MYO18B: variants seen among roughly 807,000 people sequenced by gnomAD.
The protein encoded by MYO18B is myosin XVIIIB.
MYO18B carries 204 observed loss-of-function variants against 273.0 expected under a neutral mutation model. That is an observed-to-expected ratio of 0.75 (90% CI 0.67 to 0.84). The LOEUF (loss-of-function observed/expected upper bound fraction) is 0.84. Ranked by LOEUF, MYO18B falls within the 40% of genes least tolerant of loss-of-function variation. The probability of loss-of-function intolerance (pLI) is 0.00; values close to 1 mark genes in which losing one functional copy is unlikely to be tolerated. For missense variants in MYO18B, 3,212 were observed against 3,287.6 expected, an observed-to-expected ratio of 0.98 and a Z score of 0.56; for synonymous variants, 1,330 against 1,305.7, an observed-to-expected ratio of 1.02 and a Z score of -0.40.
chr22:25,939,439 CT>C (rs2092618470), intron 34 of MYO18B, among the ~76,000 whole-genome samples: 1 of 152,234 alleles, frequency 6.6e-6, no homozygotes, highest in Non-Finnish European at 1.5e-5. Flanking sequence ...CTTGCCCAGA[CT>C]TTCCAAGCTT....
At chr22:26,006,041 G>A (rs974890695) in intron 42 of MYO18B, among the ~76,000 whole-genome samples, 2 of 152,302 alleles carry the variant, frequency 1.3e-5, no homozygotes, top group Non-Finnish European at 2.9e-5. Context: ...TCCAAACTAT[G>A]AGGACTTTAT....
At chr22:25,944,757 G>A (rs553981868) in intron 34 of MYO18B, among the ~76,000 whole-genome samples, 6 of 151,022 alleles carry the variant, frequency 4.0e-5, no homozygotes, top group African/African-American at 1.5e-4. Context: ...TGAGGCAGGA[G>A]AATCGCTGGA....
intron 40 of MYO18B, among the ~76,000 whole-genome samples, chr22:25,996,805 A>G (rs1344809854): frequency 6.6e-6 from 1 of 152,144 alleles, no homozygotes; most frequent in Non-Finnish European, 1.5e-5. Context: ...CGTTCTAGGA[A>G]GTGAAAGAAA....
At chr22:26,054,201 C>A in the MYO18B span, among the ~76,000 whole-genome samples, 1 of 152,182 alleles carries the variant, frequency 6.6e-6, no homozygotes, top group Non-Finnish European at 1.5e-5. Context: ...AATCCTGCAG[C>A]CCCAGGACAG....
intron 12 of MYO18B, among the ~76,000 whole-genome samples, chr22:25,808,598 T>C (rs1260696809): frequency 6.6e-6 from 1 of 152,096 alleles, no homozygotes; most frequent in Non-Finnish European, 1.5e-5. Flanking sequence ...CTCAGCTCCA[T>C]CTAATCTCCA....
At chr22:25,964,867 G>T (rs2092960076) in intron 39 of MYO18B, 1 of 152,268 alleles carries the variant, frequency 6.6e-6, no homozygotes, top group African/African-American at 2.4e-5. Flanking sequence ...CGTCAGGAAA[G>T]GAGAAAGTCA....
At chr22:25,990,322 C>T (rs1258276042) in intron 39 of MYO18B, among the ~76,000 whole-genome samples, 1 of 152,096 alleles carries the variant, frequency 6.6e-6, no homozygotes, top group Non-Finnish European at 1.5e-5. Context: ...GTTCAGATCC[C>T]AGCTCTGCGC....
Position 25,846,140 on chromosome 22 carries a change from C to T in MYO18B, c.3409C>T (p.Pro1137Ser). 3 of 1,602,096 alleles carry T rather than the reference C, an allele frequency of 1.9e-6. No individual in the cohort carries two copies. Among genetic ancestry groups the T allele is most frequent in the Middle Eastern group, 1.8e-4 (1 of 5,684 alleles). Residue 1137 changes from proline to serine, a missense_variant, in exon 19 of 44, where the codon CCT becomes TCT. Physicochemically the swap from Pro to Ser is moderately conservative, Grantham distance 74. Transcript: ENST00000335473. ...TCTATTCCAGGCCCGGGCCAAGCTGCCTCCTGTGTGCCGGGCTGTGGCAGG... is the reference window on the plus strand; with the variant it reads ...TCTATTCCAGGCCCGGGCCAAGCTGTCTCCTGTGTGCCGGGCTGTGGCAGG... ...RSLFQARAKL[P>S]PVCRAVAGLE... is the part of the protein sequence containing the mutation.
chr22:25,917,656 A>G (rs1303488423), intron 33 of MYO18B, among the ~76,000 whole-genome samples: 3 of 151,348 alleles, frequency 2.0e-5, no homozygotes. Context: ...TTTTCATATA[A>G]AAATTTAATT....
intron 34 of MYO18B, among the ~76,000 whole-genome samples, chr22:25,938,930 G>T (rs551304177): frequency 3.7e-4 from 56 of 152,278 alleles, no homozygotes; most frequent in African/African-American, 8.4e-4. Flanking sequence ...GAATCTTCCT[G>T]TCTCACCCTC....
chr22:25,958,663 C>G (rs1200827187), intron 39 of MYO18B, among the ~76,000 whole-genome samples: 1 of 152,054 alleles, frequency 6.6e-6, no homozygotes, highest in African/African-American at 2.4e-5. Flanking sequence ...ACAGTGTGCC[C>G]AAAACAGGGC....
intron 42 of MYO18B, among the ~76,000 whole-genome samples, chr22:26,021,745 G>C (rs1290216421): frequency 6.6e-6 from 1 of 152,220 alleles, no homozygotes; most frequent in Non-Finnish European, 1.5e-5. Flanking sequence ...TGCCAGCTGT[G>C]TGTGCTTGCA....
At chr22:25,842,143 C>T (rs2090101066) in intron 17 of MYO18B, among the ~76,000 whole-genome samples, 1 of 152,226 alleles carries the variant, frequency 6.6e-6, no homozygotes, top group African/African-American at 2.4e-5. Flanking sequence ...TTTACTCCTA[C>T]AAAGGCTCAC....
At chr22:26,004,640 A>G (rs1934277407) in intron 41 of MYO18B, 78 bp from the exon 42 acceptor site, 17 of 1,541,856 alleles carry the variant, frequency 1.1e-5, no homozygotes, top group Middle Eastern at 1.7e-4. Flanking sequence ...TGCCTGGCTT[A>G]TGCTATGGGT....
chr22:25,766,647 G>T (rs1168704075), intron 3 of MYO18B, among the ~76,000 whole-genome samples: 1 of 152,188 alleles, frequency 6.6e-6, no homozygotes, highest in Non-Finnish European at 1.5e-5. Flanking sequence ...GGCACGCCAG[G>T]CAGCAAGCTC....
intron 12 of MYO18B, among the ~76,000 whole-genome samples, chr22:25,804,002 A>ACACACACG (rs935326665): frequency 1.3e-5 from 2 of 151,360 alleles, no homozygotes; most frequent in Non-Finnish European, 2.9e-5. Flanking sequence ...ACACACACAC[A>ACACACACG]CACACACATA....
chr22:26,055,234 C>T, the MYO18B span, among the ~76,000 whole-genome samples: 1 of 152,186 alleles, frequency 6.6e-6, no homozygotes, highest in Admixed American at 6.5e-5. Context: ...TCCACCAAGC[C>T]CTTGGTTAAA....
Position 25,846,254 on chromosome 22 carries a change from G to C in MYO18B, c.3523G>C (p.Ala1175Pro). 1 of 1,612,054 alleles carries C rather than the reference G, an allele frequency of 6.2e-7. No homozygotes were observed. The highest frequency in any genetic ancestry group is 8.5e-7 in the Non-Finnish European group (1 of 1,179,818). Residue 1175 changes from alanine (A) to proline (P), a missense_variant, in exon 19 of 44, where the codon GCC becomes CCC. Ala to Pro is a conservative substitution (Grantham distance 27). Transcript: ENST00000335473. The stretch of plus-strand genomic sequence containing the variant: ...CAGCCTTGCCGCGGTGAGGAGGAAA[G>C]CCCCGTGCTCCCAGATCAAGCTGCA... ...ASSLAAVRRK[A>P]PCSQIKLQMD...
intron 1 of MYO18B, among the ~76,000 whole-genome samples, chr22:25,748,922 G>T (rs1396281343): frequency 1.3e-5 from 2 of 152,226 alleles, no homozygotes; most frequent in African/African-American, 4.8e-5. Context: ...AGGCTTGGGT[G>T]AAGTAGGCTG....
Sources: gnomAD v4.1 joint callset for allele counts (sites outside exome capture counted in the v4.1 genomes callset) on GRCh38, gnomAD v4.1.1 for gene constraint, MANE v1.5 for transcripts, NCBI Gene and HGNC (gene_info 2026-07-23, HGNC 2026-07-21) for gene names.